The following SYNJ1 variants were observed in gnomAD, a reference collection of about 807,000 sequenced individuals.
SYNJ1 encodes synaptojanin 1.
In SYNJ1, 78 loss-of-function variants were observed where a neutral mutation model predicts 168.2. The ratio of observed to expected loss-of-function variants is 0.46; its 90% CI spans 0.39 to 0.56. The LOEUF is 0.56. Ranked by LOEUF, SYNJ1 falls within the 20% of genes least tolerant of loss-of-function variation. SYNJ1 has a pLI of 0.00. For synonymous variants in SYNJ1, 539 were observed against 548.6 expected (o/e 0.98, Z 0.24); for missense variants, 1,303 against 1,597.6 (o/e 0.82, Z 3.14).
At position 32,659,215 on chromosome 21, in the gene SYNJ1, C is replaced by CA. The variant is rs767951684; in HGVS notation, c.2305-1344dup. Among the ~76,000 whole-genome samples, 798 of 140,940 alleles carry CA rather than the reference C, an allele frequency of 5.7e-3. 7 individuals carry two copies. The highest frequency in any genetic ancestry group is 0.019 in the African/African-American group (723 of 38,484). 92.5% of individuals were successfully genotyped at this position (140,940 alleles called of 152,430 possible). A position where few individuals can be genotyped will look rare whatever the true frequency, so the allele number is the denominator to read the frequency against. Reference sequence around the variant, plus strand: ...AAGTCAATAACCACAGGACTTAACCCAAAAAAAAAACAGCCCTAAAGATGA... The same window carrying CA: ...AAGTCAATAACCACAGGACTTAACCCAAAAAAAAAAACAGCCCTAAAGATGA... On this transcript the variant is annotated intron_variant, in intron 18 of 32. Coordinates refer to ENST00000674351, the MANE Select transcript of SYNJ1 (RefSeq NM_203446.3).
At chr21:32,715,829 A>C (rs969210204) in intron 2 of SYNJ1, among the ~76,000 whole-genome samples, 5 of 152,152 alleles carry the variant, frequency 3.3e-5, no homozygotes, top group Non-Finnish European at 5.9e-5. Flanking sequence ...GCCCAGAATT[A>C]TCCAGGAATT....
intron 26 of SYNJ1, among the ~76,000 whole-genome samples, chr21:32,644,120 A>C (rs1047887191): frequency 4.6e-5 from 7 of 152,222 alleles, no homozygotes; most frequent in African/African-American, 1.7e-4. Context: ...ATGGAAATTT[A>C]AATAAAAGCA....
In SYNJ1 at chr21:32,681,508, T is replaced by C; in HGVS notation, c.1341A>G (p.Glu447=). ...GATCTAGATATACCTTCGCTTTCCC[T>C]TCAAGAGCTCCAGTTCCTGCATATA... ...SKIYAGTGAL[E]GKAKLKDGAR... Residue 447 remains glutamate (E), a synonymous_variant, in exon 11 of 33, where the codon GAA becomes GAG. Coordinates refer to ENST00000674351, the MANE Select transcript of SYNJ1 (RefSeq NM_203446.3). 6.2e-7 allele frequency: 1 copy of C among 1,612,228 alleles called. No individual in the cohort carries two copies. The highest frequency in any genetic ancestry group is 8.5e-7 in the Non-Finnish European group (1 of 1,179,034).
chr21:32,726,869 G>A lies in SYNJ1; in HGVS notation c.27C>T (p.Ile9=). 6.2e-7 allele frequency: 1 copy of A among 1,614,152 alleles called. No homozygotes were observed. Among genetic ancestry groups the A allele is most frequent in the Non-Finnish European group, 8.5e-7 (1 of 1,180,038 alleles). Residue 9 remains isoleucine, a synonymous_variant, in exon 2 of 33, where the codon ATC becomes ATT. Transcript: ENST00000674351. The stretch of plus-strand genomic sequence containing the variant: ...AAGGTGGGGGATCCAATTTGTGATA[G>A]ATCCGGAATCCTTTACTGAACGCCA... The part of the protein sequence containing the change: MAFSKGFR[I]YHKLDPPPFS...
intron 26 of SYNJ1, among the ~76,000 whole-genome samples, chr21:32,644,473 TTTAGA>T (rs1297562100): frequency 6.6e-6 from 1 of 152,246 alleles, no homozygotes; most frequent in Non-Finnish European, 1.5e-5. Flanking sequence ...TTTCTTGAGA[TTTAGA>T]TTAAATAAAC....
intron 4 of SYNJ1, among the ~76,000 whole-genome samples, chr21:32,697,520 C>T (rs1357272789): frequency 6.6e-6 from 1 of 150,514 alleles, no homozygotes; most frequent in Non-Finnish European, 1.5e-5. Context: ...AAAAGGAGGC[C>T]AAGTACGGTG....
intron 2 of SYNJ1, among the ~76,000 whole-genome samples, chr21:32,706,571 T>C (rs1438700775): frequency 3.3e-5 from 5 of 151,866 alleles, no homozygotes; most frequent in Non-Finnish European, 5.9e-5. Flanking sequence ...ATGTTTTAAA[T>C]TGCTGCAAAA....
At chr21:32,665,210 C>T (rs780488384) in intron 17 of SYNJ1, 139 bp from the exon 18 acceptor site, 117 of 858,142 alleles carry the variant, frequency 1.4e-4, no homozygotes, top group Middle Eastern at 3.9e-4. Context: ...ACATGTGAAA[C>T]GAAAATAAAT....
chr21:32,678,868 T>C (rs1380935376), intron 11 of SYNJ1, 67 bp from the exon 12 acceptor site: 2 of 1,558,302 alleles, frequency 1.3e-6, no homozygotes, highest in African/African-American at 2.8e-5. Flanking sequence ...ACTCATTAGG[T>C]TTTTTGAAAT....
intron 2 of SYNJ1, among the ~76,000 whole-genome samples, chr21:32,718,181 G>A (rs2043091954): frequency 6.6e-6 from 1 of 152,174 alleles, no homozygotes; most frequent in African/African-American, 2.4e-5. Context: ...CTGAGATGAT[G>A]TAATAAAAAG....
chr21:32,687,358 C>T (rs1336582318), intron 7 of SYNJ1, among the ~76,000 whole-genome samples: 1 of 152,176 alleles, frequency 6.6e-6, no homozygotes, highest in Non-Finnish European at 1.5e-5. Context: ...ACAAGACAGA[C>T]ACCAGCCATA....
intron 2 of SYNJ1, among the ~76,000 whole-genome samples, chr21:32,714,993 C>T (rs1402531592): frequency 6.6e-6 from 1 of 152,178 alleles, no homozygotes; most frequent in Non-Finnish European, 1.5e-5. Flanking sequence ...TCCTACGTCA[C>T]TTTGCCACAA....
chr21:32,712,269 A>G (rs551512651), intron 2 of SYNJ1, among the ~76,000 whole-genome samples: 3 of 152,214 alleles, frequency 2.0e-5, no homozygotes, highest in Non-Finnish European at 2.9e-5. Context: ...GCACTTTGGT[A>G]TAGAACCAGA....
rs113289244 is a variant in SYNJ1, at chr21:32,642,213, G to C, written c.3479-80C>G. 55 of 1,521,094 alleles carry C rather than the reference G, an allele frequency of 3.6e-5. 3 individuals are homozygous for C. In the African/African-American group the frequency reaches 4.2e-4, roughly 12 times the overall value. 94.2% of individuals were successfully genotyped at this position (1,521,094 alleles called of 1,614,324 possible). On this transcript the variant is annotated intron_variant, in intron 27 of 32. Coordinates refer to ENST00000674351, the MANE Select transcript of SYNJ1 (RefSeq NM_203446.3). Reference sequence around the variant, plus strand: ...TTGCATAACATCAGCTTGCTGTTCTGCTTCATTACCAGCAGAAATGGGGGC... The same window carrying C: ...TTGCATAACATCAGCTTGCTGTTCTCCTTCATTACCAGCAGAAATGGGGGC...
intron 15 of SYNJ1, 105 bp downstream of exon 15, chr21:32,670,183 C>T: frequency 1.1e-6 from 1 of 886,680 alleles, no homozygotes; most frequent in East Asian, 2.6e-5. Flanking sequence ...GAGCACCCTT[C>T]CATTTATTAT....
In SYNJ1 at chr21:32,695,329, C is replaced by T. The variant is rs373988529; in HGVS notation, c.480-47G>A. On this transcript the variant is annotated intron_variant, in intron 4 of 32. Coordinates refer to ENST00000674351, the MANE Select transcript of SYNJ1 (RefSeq NM_203446.3). ...GATTAGCTTATGGAATACTAAGTAA[C>T]AAAGTATGACTTTTAAAATAATCTC... 36 of 1,517,898 alleles carry T rather than the reference C, an allele frequency of 2.4e-5. No individual in the cohort carries two copies. The East Asian group carries it at 8.0e-4, about 34-fold the overall frequency. 94.0% of individuals were successfully genotyped at this position (1,517,898 alleles called of 1,614,324 possible). A position where few individuals can be genotyped will look rare whatever the true frequency, so the allele number is the denominator to read the frequency against.
intron 21 of SYNJ1, among the ~76,000 whole-genome samples, chr21:32,656,383 G>A (rs1036599462): frequency 9.9e-5 from 15 of 152,166 alleles, no homozygotes; most frequent in African/African-American, 3.6e-4. Flanking sequence ...GGTTGGGGCT[G>A]CAGTGAGACA....
In SYNJ1 at chr21:32,631,256, T is replaced by G; in HGVS notation, c.*549A>C. On this transcript the variant is annotated 3_prime_UTR_variant, in exon 33 of 33. Coordinates refer to ENST00000674351, the MANE Select transcript of SYNJ1 (RefSeq NM_203446.3). ...ACTTCCCTTTCACACCAAAATCCTC[T>G]TCTTCCTCGAAGGTTACCCATCCTT... 1 of 1,614,250 alleles carries G rather than the reference T, an allele frequency of 6.2e-7. No homozygotes were observed. Among genetic ancestry groups the G allele is most frequent in the East Asian group, 2.2e-5 (1 of 44,888 alleles).
intron 1 of SYNJ1, among the ~76,000 whole-genome samples, chr21:32,727,403 C>T (rs2043511853): frequency 6.6e-6 from 1 of 152,182 alleles, no homozygotes; most frequent in Non-Finnish European, 1.5e-5. Flanking sequence ...AAGGATTATC[C>T]CACGCGACAG....
Sources: allele counts gnomAD v4.1 joint callset (sites outside exome capture counted in the v4.1 genomes callset), GRCh38; gene constraint gnomAD v4.1.1; transcripts MANE v1.5; gene names NCBI Gene and HGNC (gene_info 2026-07-23, HGNC 2026-07-21).